Variants in ADAMTS12 observed in about 807,000 individuals in gnomAD.
ADAMTS12 encodes the protein A disintegrin and metalloproteinase with thrombospondin motifs 12.
In ADAMTS12, 118 loss-of-function variants were observed where a neutral mutation model predicts 167.8. The observed-to-expected ratio is 0.70, with a 90% CI of 0.61 to 0.82. ADAMTS12 has a LOEUF of 0.82. Ranked by LOEUF, ADAMTS12 falls within the 40% of genes least tolerant of loss-of-function variation. The pLI is 0.00. For synonymous variants in ADAMTS12, 704 were observed against 716.9 expected, an observed-to-expected ratio of 0.98 and a Z score of 0.29; for missense variants, 1,916 against 1,998.8, an observed-to-expected ratio of 0.96 and a Z score of 0.79.
At position 33,663,112 on chromosome 5, in the gene ADAMTS12, G is replaced by C. The variant is rs556448404; in HGVS notation, c.916-1072C>G. Reference sequence around the variant, plus strand: ...CGTCATAAGTAACTATTATAGACCAGTTTCCTTTTGTGAAAACACCGAAAG... The same window carrying C: ...CGTCATAAGTAACTATTATAGACCACTTTCCTTTTGTGAAAACACCGAAAG... On this transcript the variant is annotated intron_variant, in intron 5 of 23. Transcript: ENST00000504830. Among the ~76,000 whole-genome samples the C allele has an allele frequency of 3.4e-4, 52 of 152,346 alleles. No homozygotes were observed. In the South Asian group the frequency reaches 0.01, roughly 30 times the overall value.
At chr5:33,709,125 G>C (rs778113205) in intron 3 of ADAMTS12, among the ~76,000 whole-genome samples, 1 of 152,126 alleles carries the variant, frequency 6.6e-6, no homozygotes, top group Non-Finnish European at 1.5e-5. Flanking sequence ...CTGATCATTA[G>C]AGAAATGCAA....
intron 5 of ADAMTS12, among the ~76,000 whole-genome samples, chr5:33,680,127 G>A (rs773863657): frequency 2.0e-5 from 3 of 152,202 alleles, no homozygotes; most frequent in Admixed American, 6.5e-5. Context: ...AAGCTTGAAC[G>A]AGGATAATAT....
intron 2 of ADAMTS12, among the ~76,000 whole-genome samples, chr5:33,768,668 T>C (rs571358149): frequency 6.6e-6 from 1 of 152,202 alleles, no homozygotes; most frequent in African/African-American, 2.4e-5. Flanking sequence ...TTTATAGTAG[T>C]TGTGGGTTTT....
At chr5:33,582,630 AT>A (rs1166533034) in intron 18 of ADAMTS12, among the ~76,000 whole-genome samples, 1 of 152,036 alleles carries the variant, frequency 6.6e-6, no homozygotes, top group Non-Finnish European at 1.5e-5. Context: ...TACTTTATCG[AT>A]TCTCAGTACC....
Position 33,658,236 on chromosome 5 carries a change from CATTGATGTT to C in ADAMTS12, c.1129_1137del (p.Asn377_Asn379del). 2 of 1,613,768 alleles carry C rather than the reference CATTGATGTT, an allele frequency of 1.2e-6. No individual in the cohort carries two copies. The highest frequency in any genetic ancestry group is 1.7e-6 in the Non-Finnish European group (2 of 1,179,710). On this transcript the variant is annotated inframe_deletion, in exon 7 of 24. Coordinates refer to ENST00000504830, the MANE Select transcript of ADAMTS12 (RefSeq NM_030955.4). Reference sequence around the variant, plus strand: ...AAAGCCAGAGGGAGTCCCGAATCTTCATTGATGTTACAACTGCGGTGAGGCTGACACATT... The same window carrying C: ...AAAGCCAGAGGGAGTCCCGAATCTTCACAACTGCGGTGAGGCTGACACATT...
chr5:33,627,986 G>A (rs1739740626), intron 13 of ADAMTS12, among the ~76,000 whole-genome samples: 1 of 152,148 alleles, frequency 6.6e-6, no homozygotes, highest in Admixed American at 6.5e-5. Flanking sequence ...TTTAAGGAGT[G>A]CACAGTAGGC....
intron 2 of ADAMTS12, among the ~76,000 whole-genome samples, chr5:33,771,743 A>T (rs1032688242): frequency 5.9e-5 from 9 of 152,004 alleles, no homozygotes; most frequent in Non-Finnish European, 1.0e-4. Context: ...AATATTAAAT[A>T]TTCACTGTCC....
At chr5:33,602,464 C>T (rs1248339202) in intron 16 of ADAMTS12, among the ~76,000 whole-genome samples, 3 of 152,200 alleles carry the variant, frequency 2.0e-5, no homozygotes, top group African/African-American at 7.2e-5. Flanking sequence ...AATTCGTCCT[C>T]CTATTATCTT....
chr5:33,649,793 C>T, intron 7 of ADAMTS12, 96 bp from the exon 8 acceptor site: 1 of 1,498,326 alleles, frequency 6.7e-7, no homozygotes. Context: ...AACTCACAGA[C>T]AGCCACGTTT....
rs566458207 is a variant in ADAMTS12, at chr5:33,708,677, T to C, written c.635-24622A>G. ...TGGATGAAGCTAGAAACCATCATTC[T>C]CAGCAAACTAACACAGGAACAGAAA... On this transcript the variant is annotated intron_variant, in intron 3 of 23. Coordinates refer to ENST00000504830, the MANE Select transcript of ADAMTS12 (RefSeq NM_030955.4). Among the ~76,000 whole-genome samples the C allele has an allele frequency of 5.3e-5, 8 of 152,288 alleles. No individual in the cohort carries two copies. In the South Asian group the frequency reaches 1.5e-3, roughly 28 times the overall value.
intron 5 of ADAMTS12, among the ~76,000 whole-genome samples, chr5:33,664,766 T>C (rs1186138988): frequency 6.6e-6 from 1 of 152,090 alleles, no homozygotes; most frequent in East Asian, 1.9e-4. Context: ...AAAAAAGAAC[T>C]ACCATATGAT....
intron 23 of ADAMTS12, among the ~76,000 whole-genome samples, 168 bp from the exon 24 acceptor site, chr5:33,527,534 C>T (rs746940824): frequency 3.3e-5 from 5 of 152,174 alleles, no homozygotes; most frequent in African/African-American, 4.8e-5. Flanking sequence ...AGACGCTGTG[C>T]AGAGTGTTTA....
chr5:33,616,201 G>T, intron 14 of ADAMTS12, 129 bp from the exon 15 acceptor site: 1 of 1,277,332 alleles, frequency 7.8e-7, no homozygotes, highest in Non-Finnish European at 1.1e-6. Flanking sequence ...GGTGGCCACT[G>T]GAATTGGCAG....
intron 2 of ADAMTS12, among the ~76,000 whole-genome samples, chr5:33,775,784 T>C (rs1304157513): frequency 6.6e-6 from 1 of 152,112 alleles, no homozygotes; most frequent in East Asian, 1.9e-4. Flanking sequence ...GATCTGAGTG[T>C]TTGTGTTCCC....
chr5:33,865,489 T>C (rs1749783884), intron 2 of ADAMTS12, among the ~76,000 whole-genome samples: 1 of 152,074 alleles, frequency 6.6e-6, no homozygotes, highest in African/African-American at 2.4e-5. Context: ...AAGCCATATA[T>C]GACAAACCCA....
At chr5:33,534,798 G>A (rs117277937) in intron 23 of ADAMTS12, 35 bp downstream of exon 23, 1 of 1,584,342 alleles carries the variant, frequency 6.3e-7, no homozygotes, top group East Asian at 2.2e-5. Flanking sequence ...TTTGTGCAAA[G>A]ATCTCTTTCT....
chr5:33,689,919 G>T (rs540050389), intron 3 of ADAMTS12, among the ~76,000 whole-genome samples: 3 of 152,314 alleles, frequency 2.0e-5, no homozygotes, highest in African/African-American at 7.2e-5. Flanking sequence ...GGGTGTGGTG[G>T]GTGGCCCCAA....
Position 33,624,334 on chromosome 5 carries a change from A to G in ADAMTS12, c.2040T>C (p.Tyr680=), listed in dbSNP as rs1739477940. ...CCTCGGTGGCATTGGAATCGATCTCATAGTCACAGCCAACCATCTGTGGGG... is the reference window on the plus strand; with the variant it reads ...CCTCGGTGGCATTGGAATCGATCTCGTAGTCACAGCCAACCATCTGTGGGG... ...NGICKMVGCD[Y]EIDSNATEDR... Residue 680 remains tyrosine (Y), a synonymous_variant, in exon 14 of 24, where the codon TAT becomes TAC. Coordinates refer to ENST00000504830, the MANE Select transcript of ADAMTS12 (RefSeq NM_030955.4). The G allele has an allele frequency of 6.2e-7, 1 of 1,612,068 alleles. No homozygotes were observed. The highest frequency in any genetic ancestry group is 1.3e-5 in the African/African-American group (1 of 75,006).
chr5:33,677,014 G>GCATA (rs1427868155), intron 5 of ADAMTS12, among the ~76,000 whole-genome samples: 1 of 152,082 alleles, frequency 6.6e-6, no homozygotes. Flanking sequence ...CCACTGGATG[G>GCATA]CATAGTCACC....
Sources: allele counts gnomAD v4.1 joint callset (sites outside exome capture counted in the v4.1 genomes callset), GRCh38; gene constraint gnomAD v4.1.1; transcripts MANE v1.5; gene names NCBI Gene and HGNC (gene_info 2026-07-23, HGNC 2026-07-21).